Variants in ITPR3 observed in about 807,000 individuals in gnomAD.
The protein encoded by ITPR3 is inositol 1,4,5-trisphosphate receptor type 3.
Under a neutral mutation model 293.2 loss-of-function variants are expected in ITPR3, and 173 were observed. The observed-to-expected ratio is 0.59, with a 90% confidence interval of 0.52 to 0.67. ITPR3 has a LOEUF of 0.67. Among genes scored for constraint, ITPR3 ranks in the 30% least tolerant of loss-of-function variants. The probability of loss-of-function intolerance (pLI) is 0.00; values close to 1 mark genes in which losing one functional copy is unlikely to be tolerated. For synonymous variants in ITPR3, 1,295 were observed against 1,444.4 expected (o/e 0.90, Z 2.35); for missense variants, 2,796 against 3,592.1 (o/e 0.78, Z 5.66).
intron 55 of ITPR3, among the ~76,000 whole-genome samples, chr6:33,693,298 T>A (rs968509910): frequency 1.3e-5 from 2 of 152,130 alleles, no homozygotes; most frequent in African/African-American, 4.8e-5. Context: ...TTCGAGAAAT[T>A]CTCGCGTTTA....
In ITPR3 at chr6:33,665,837, T is replaced by C. The variant is rs1473631400; in HGVS notation, c.1412T>C (p.Phe471Ser). Residue 471 changes from phenylalanine to serine, a missense_variant and splice_region_variant, in exon 14 of 58, where the codon TTT (phenylalanine) becomes TCT (serine). Physicochemically the swap from Phe to Ser is radical, Grantham distance 155. Around this residue, in one of 8 missense-constraint regions of ITPR3, gnomAD observed 955 missense variants for 1,180.8 expected, o/e 0.81. Coordinates refer to ENST00000605930, the MANE Select transcript of ITPR3 (RefSeq NM_002224.4). ...CATCCCCGGGTCCCCTCACCCAGGT[T>C]TGTCATCCAGCTGCTGGAAGACCTG... is the stretch of plus-strand genomic sequence containing the variant. ...EGFISQNDRR[F>S]VIQLLEDLVF... 3.1e-6 allele frequency: 5 copies of C among 1,613,934 alleles called. No homozygotes were observed. Among genetic ancestry groups the C allele is most frequent in the Non-Finnish European group, 4.2e-6 (5 of 1,179,900 alleles).
intron 1 of ITPR3, among the ~76,000 whole-genome samples, chr6:33,637,697 C>G (rs1230330913): frequency 1.3e-5 from 2 of 151,626 alleles, no homozygotes; most frequent in Non-Finnish European, 2.9e-5. Flanking sequence ...GACTCGATCT[C>G]GGCTCACTGC....
At chr6:33,641,796 T>A (rs1229717821) in intron 2 of ITPR3, among the ~76,000 whole-genome samples, 2 of 152,058 alleles carry the variant, frequency 1.3e-5, no homozygotes, top group African/African-American at 4.8e-5. Flanking sequence ...TTTCTCCAAA[T>A]ATCCACGCAG....
Position 33,687,990 on chromosome 6 carries a change from G to C in ITPR3, c.6265-67G>C, listed in dbSNP as rs1008788469. The C allele has an allele frequency of 1.5e-6, 2 of 1,294,432 alleles. No homozygotes were observed. The highest frequency in any genetic ancestry group is 2.4e-5 in the East Asian group (1 of 41,582). The allele number at this position is 1,294,432 out of a possible 1,614,324, so 80.2% of individuals were successfully genotyped here. A position where few individuals can be genotyped will look rare whatever the true frequency, so the allele number is the denominator to read the frequency against. ...CAGAGCTAGGCGAAGGCCTGGGAGG[G>C]TGGGGGCTGAGTGCCAGCCTGGATG... On this transcript the variant is annotated intron_variant, in intron 46 of 57. Coordinates refer to ENST00000605930, the MANE Select transcript of ITPR3 (RefSeq NM_002224.4). The surrounding 1 kb of genome is among the most constrained non-coding windows in gnomAD (Gnocchi z 5.3).
rs751450550 is a variant in ITPR3, at chr6:33,691,090, G to T, written c.7206G>T (p.Leu2402=). 1.2e-6 allele frequency: 2 copies of T among 1,614,184 alleles called. No homozygotes were observed. The highest frequency in any genetic ancestry group is 1.7e-6 in the Non-Finnish European group (2 of 1,180,026). ...ACTTCATTCTCGAGGTCGACCGGCT[G>T]CCCAACAACCACTCCACAGGTCTTG... ...KDDFILEVDR[L]PNNHSTASPL... is the part of the protein sequence containing the mutation. Residue 2402 remains leucine (L), a synonymous_variant, in exon 52 of 58, where the codon CTG becomes CTT. Coordinates refer to ENST00000605930, the MANE Select transcript of ITPR3 (RefSeq NM_002224.4). The surrounding 1 kb of genome is among the most constrained non-coding windows in gnomAD (Gnocchi z 4.9).
At position 33,682,782 on chromosome 6, in the gene ITPR3, T is replaced by C. The variant is rs141787449; in HGVS notation, c.4597+138T>C. 7 of 1,155,486 alleles carry C rather than the reference T, an allele frequency of 6.1e-6. No individual in the cohort carries two copies. The highest frequency in any genetic ancestry group is 1.8e-5 in the South Asian group (1 of 56,894). 71.6% of individuals were successfully genotyped at this position (1,155,486 alleles called of 1,614,324 possible). On this transcript the variant is annotated intron_variant, in intron 34 of 57. Transcript: ENST00000605930. This position sits in a 1 kb window ranked among gnomAD's most constrained non-coding sequence, Gnocchi z 5.4. The stretch of plus-strand genomic sequence containing the variant: ...CCAGGTGGTTGTCAGTAAGTTCTTC[T>C]TGGCGTCTGCCTCATCCTGGCAATT...
chr6:33,659,915 G>A (rs1251567732), intron 7 of ITPR3, among the ~76,000 whole-genome samples: 1 of 152,166 alleles, frequency 6.6e-6, no homozygotes, highest in Non-Finnish European at 1.5e-5. Flanking sequence ...CCCGCCCCTT[G>A]CCCTGTGCCC....
At chr6:33,680,838 T>C in intron 33 of ITPR3, among the ~76,000 whole-genome samples, 158 bp downstream of exon 33, 1 of 147,900 alleles carries the variant, frequency 6.8e-6, no homozygotes, top group South Asian at 2.1e-4. Flanking sequence ...TTTTTTTTTT[T>C]GAGATGGAGT....
Position 33,666,120 on chromosome 6 carries a change from C to T in ITPR3, c.1551+144C>T, listed in dbSNP as rs557254293. On this transcript the variant is annotated intron_variant, in intron 14 of 57. Coordinates refer to ENST00000605930, the MANE Select transcript of ITPR3 (RefSeq NM_002224.4). This position sits in a 1 kb window ranked among gnomAD's most constrained non-coding sequence, Gnocchi z 5.1. ...GCCAGGGACTTCCCTAAGTACCCCA[C>T]ATGTGTTGACGAATTTGATCCTCAC... The T allele has an allele frequency of 3.2e-5, 29 of 905,046 alleles. No homozygotes were observed. The highest frequency in any genetic ancestry group is 8.5e-5 in the Admixed American group (3 of 35,310). 56.1% of individuals were successfully genotyped at this position (905,046 alleles called of 1,614,324 possible).
Position 33,670,582 on chromosome 6 carries a change from A to AGGGGTGGAGGC in ITPR3, c.2441+7_2441+17dup. ...ACAGCCATCACCATCAAGGAGTGAG[A>AGGGGTGGAGGC]GGGGTGGAGGCAGGGTGGGCGGGGC... On this transcript the variant is annotated splice_region_variant and intron_variant, in intron 19 of 57. Coordinates refer to ENST00000605930, the MANE Select transcript of ITPR3 (RefSeq NM_002224.4). The surrounding 1 kb of genome is among the most constrained non-coding windows in gnomAD (Gnocchi z 6.7). The AGGGGTGGAGGC allele has an allele frequency of 1.0e-6, 1 of 968,632 alleles. No homozygotes were observed. The highest frequency in any genetic ancestry group is 1.5e-6 in the Non-Finnish European group (1 of 671,952). The allele number at this position is 968,632 out of a possible 1,614,324, so 60.0% of individuals were successfully genotyped here. A position where few individuals can be genotyped will look rare whatever the true frequency, so the allele number is the denominator to read the frequency against.
chr6:33,635,042 T>G (rs1763786496), intron 1 of ITPR3, among the ~76,000 whole-genome samples: 1 of 152,150 alleles, frequency 6.6e-6, no homozygotes, highest in East Asian at 1.9e-4. Context: ...ATCACCCCAG[T>G]CAATGCTTTC....
Position 33,688,646 on chromosome 6 carries a change from T to G in ITPR3, c.6569-10T>G. 6.2e-7 allele frequency: 1 copy of G among 1,613,974 alleles called. No individual in the cohort carries two copies. The highest frequency in any genetic ancestry group is 8.5e-7 in the Non-Finnish European group (1 of 1,179,940). Reference sequence around the variant, plus strand: ...GCCCTCCAGCAGCTCACCGTTGCCCTCCTCTTCAGGCATGCCGCTGATCTA... The same window carrying G: ...GCCCTCCAGCAGCTCACCGTTGCCCGCCTCTTCAGGCATGCCGCTGATCTA... On this transcript the variant is annotated splice_polypyrimidine_tract_variant and intron_variant, in intron 48 of 57. Transcript: ENST00000605930.
chr6:33,655,923 T>C lies in ITPR3; in HGVS notation c.282+36T>C. The C allele has an allele frequency of 3.1e-6, 5 of 1,612,144 alleles. No homozygotes were observed. The highest frequency in any genetic ancestry group is 4.2e-6 in the Non-Finnish European group (5 of 1,178,758). On this transcript the variant is annotated intron_variant, in intron 3 of 57. Transcript: ENST00000605930. The surrounding 1 kb of genome is among the most constrained non-coding windows in gnomAD (Gnocchi z 4.9). ...GTGTGCAGGCGTGCATCTGTGCACA[T>C]GTACCAGGAACCTGGGTACACAAGC...
Position 33,670,627 on chromosome 6 carries a change from G to A in ITPR3, c.2442-44G>A. 1.9e-6 allele frequency: 3 copies of A among 1,613,156 alleles called. No individual in the cohort carries two copies. Among genetic ancestry groups the A allele is most frequent in the African/African-American group, 1.3e-5 (1 of 75,026 alleles). ...CGGGGCAGGGGCAGAGGCTGGAGTG[G>A]GTGTATCTCGGGGACCTTCATGCCT... On this transcript the variant is annotated intron_variant, in intron 19 of 57. Coordinates refer to ENST00000605930, the MANE Select transcript of ITPR3 (RefSeq NM_002224.4). This position sits in a 1 kb window ranked among gnomAD's most constrained non-coding sequence, Gnocchi z 6.7.
intron 3 of ITPR3, among the ~76,000 whole-genome samples, chr6:33,656,383 A>G (rs973086839): frequency 6.6e-6 from 1 of 152,186 alleles, no homozygotes; most frequent in Non-Finnish European, 1.5e-5. Context: ...ACAGCTGTCC[A>G]TGGAGTTCCC....
chr6:33,653,055 G>C (rs1004711592), intron 2 of ITPR3, among the ~76,000 whole-genome samples: 3 of 151,984 alleles, frequency 2.0e-5, no homozygotes, highest in Non-Finnish European at 4.4e-5. Flanking sequence ...CTACAGGCAT[G>C]TACCACCATG....
Position 33,642,305 on chromosome 6 carries a change from C to T in ITPR3, c.160+1751C>T, listed in dbSNP as rs570391086. On this transcript the variant is annotated intron_variant, in intron 2 of 57. Transcript: ENST00000605930. Reference sequence around the variant, plus strand: ...GGGTAGAGAAAGGAGGCCTGGGCCTCTCCTGGAGTCAGAAATGGGAGGGCG... The same window carrying T: ...GGGTAGAGAAAGGAGGCCTGGGCCTTTCCTGGAGTCAGAAATGGGAGGGCG... 5.7e-4 allele frequency among the ~76,000 whole-genome samples: 86 copies of T among 152,122 alleles called. 1 individual carries two copies. In the South Asian group the frequency reaches 0.014, roughly 25 times the overall value.
intron 2 of ITPR3, 69 bp downstream of exon 2, chr6:33,640,623 A>C: frequency 4.0e-6 from 5 of 1,241,116 alleles, no homozygotes; most frequent in Non-Finnish European, 4.5e-6. Flanking sequence ...GACTGAATTT[A>C]TTCAACTGCA....
rs570464548 is a variant in ITPR3, at chr6:33,654,217, G to A, written c.161-1549G>A. Among the ~76,000 whole-genome samples, 33 of 152,200 alleles carry A rather than the reference G, an allele frequency of 2.2e-4. 1 individual carries two copies. The highest frequency in any genetic ancestry group is 9.8e-4 in the Admixed American group (15 of 15,292). On this transcript the variant is annotated intron_variant, in intron 2 of 57. Transcript: ENST00000605930. The surrounding 1 kb of genome is among the most constrained non-coding windows in gnomAD (Gnocchi z 4.1). ...TGGGAGGTGGAGGTTGCAGTGAGCC[G>A]AGATTGCATCACTGCACTCCAGCCT...
Sources: allele counts gnomAD v4.1 joint callset (sites outside exome capture counted in the v4.1 genomes callset), GRCh38; gene constraint gnomAD v4.1.1; regional missense constraint gnomAD v4.1.1; non-coding constraint Gnocchi (gnomAD v3.1); transcripts MANE v1.5; gene names NCBI Gene and HGNC (gene_info 2026-07-23, HGNC 2026-07-21).